The following TDRD12 variants were observed in gnomAD, a reference collection of about 807,000 sequenced individuals.
TDRD12 encodes putative ATP-dependent RNA helicase TDRD12.
In TDRD12, 158 loss-of-function variants were observed where a neutral mutation model predicts 133.5. The ratio of observed to expected loss-of-function variants is 1.18; its 90% CI spans 1.04 to 1.35. The LOEUF is 1.35. TDRD12 is among the 40% of genes most tolerant of loss of function. The probability of loss-of-function intolerance (pLI) is 0.00; values close to 1 mark genes in which losing one functional copy is unlikely to be tolerated. For synonymous variants in TDRD12, 460 were observed against 477.9 expected (o/e 0.96, Z 0.49); for missense variants, 1,443 against 1,321.3 (o/e 1.09, Z -1.43).
At position 32,742,013 on chromosome 19, in the gene TDRD12, A is replaced by G. The variant is rs190582770; in HGVS notation, c.321-768A>G. On this transcript the variant is annotated intron_variant, in intron 3 of 27. Transcript: ENST00000444215. ...TGTGCAAAGTTGGCAAATACTAATT[A>G]TTAAACCATCTGTTCATTTACAGAA... 2.6e-5 allele frequency among the ~76,000 whole-genome samples: 4 copies of G among 152,378 alleles called. No homozygotes were observed. The East Asian group carries it at 5.8e-4, about 22-fold the overall frequency.
intron 11 of TDRD12, among the ~76,000 whole-genome samples, chr19:32,779,995 C>T (rs770808663): frequency 3.3e-5 from 5 of 151,878 alleles, no homozygotes; most frequent in Non-Finnish European, 7.4e-5. Context: ...TGTTGTCTTC[C>T]TTTAAACATT....
intron 21 of TDRD12, among the ~76,000 whole-genome samples, chr19:32,806,107 G>A (rs143974701): frequency 4.6e-5 from 7 of 152,192 alleles, no homozygotes; most frequent in Non-Finnish European, 8.8e-5. Context: ...TGCATTGATT[G>A]TGTTGATCAG....
exon 28 of TDRD12, chr19:32,821,162 A>G (rs1197994675): frequency 6.6e-7 from 1 of 1,517,730 alleles, no homozygotes; most frequent in African/African-American, 1.4e-5. Context: ...TATTCAAAAG[A>G]TGGTTAAGTT....
At chr19:32,776,423 C>T (rs1049648706) in intron 10 of TDRD12, among the ~76,000 whole-genome samples, 5 of 152,044 alleles carry the variant, frequency 3.3e-5, no homozygotes, top group South Asian at 2.1e-4. Flanking sequence ...CCTTGGGGCC[C>T]GGTGAGGAAA....
rs1468353613 is a variant in TDRD12 at position 32,800,161 on chromosome 19, T to G, written c.1759-6T>G. 7.1e-7 allele frequency: 1 copy of G among 1,413,398 alleles called. No homozygotes were observed. Among genetic ancestry groups the G allele is most frequent in the Non-Finnish European group, 9.5e-7 (1 of 1,055,016 alleles). 87.6% of individuals were successfully genotyped at this position (1,413,398 alleles called of 1,614,324 possible). On this transcript the variant is annotated splice_region_variant and splice_polypyrimidine_tract_variant and intron_variant, in intron 16 of 27. Transcript: ENST00000444215. ...AAAAATGAAATTAATTATGCTAATTTTTCAGATGTTTGCTATATTAGATAA... is the reference window on the plus strand; with the variant it reads ...AAAAATGAAATTAATTATGCTAATTGTTCAGATGTTTGCTATATTAGATAA...
intron 1 of TDRD12, among the ~76,000 whole-genome samples, chr19:32,724,597 A>C (rs1026302234): frequency 6.6e-6 from 1 of 152,122 alleles, no homozygotes; most frequent in Admixed American, 6.5e-5. Flanking sequence ...GTGTATATGT[A>C]CCAAATTTTC....
chr19:32,762,870 C>T (rs991579315), intron 8 of TDRD12, among the ~76,000 whole-genome samples: 2 of 152,204 alleles, frequency 1.3e-5, no homozygotes, highest in Non-Finnish European at 2.9e-5. Context: ...ACCCAACCTA[C>T]ATGGTGCAGC....
chr19:32,745,789 TCTG>T (rs1190800821), intron 4 of TDRD12, among the ~76,000 whole-genome samples: 1 of 121,714 alleles, frequency 8.2e-6, no homozygotes, highest in Non-Finnish European at 1.7e-5. Flanking sequence ...CTGATGTCAT[TCTG>T]TGTGTGTGTG....
At chr19:32,740,029 C>T in intron 3 of TDRD12, among the ~76,000 whole-genome samples, 1 of 103,998 alleles carries the variant, frequency 9.6e-6, no homozygotes, top group Non-Finnish European at 2.0e-5. Context: ...CTCTCTGCAT[C>T]TCCTGGGCAC....
At chr19:32,797,820 C>T (rs1402255395) in exon 15 of TDRD12, 4 of 702,584 alleles carry the variant, frequency 5.7e-6, no homozygotes, top group Non-Finnish European at 1.0e-5. Context: ...TCCTCCAGGC[C>T]TCTTCATCCT....
At chr19:32,826,311 G>A (rs1419895445) in exon 8 of TDRD12, 1 of 1,416,784 alleles carries the variant, frequency 7.1e-7, no homozygotes. Flanking sequence ...AATAAGGAAT[G>A]TAAAGGACTA....
chr19:32,801,001 C>A (rs1971371790), intron 18 of TDRD12, among the ~76,000 whole-genome samples: 1 of 151,186 alleles, frequency 6.6e-6, no homozygotes, highest in Non-Finnish European at 1.5e-5. Flanking sequence ...AGCAGCGTTC[C>A]CCAGGGCAGG....
chr19:32,752,364 G>T (rs1969856398), intron 6 of TDRD12, among the ~76,000 whole-genome samples: 2 of 151,962 alleles, frequency 1.3e-5, no homozygotes, highest in African/African-American at 4.8e-5. Context: ...ATTTTTAGTA[G>T]AGATGGGGTT....
intron 13 of TDRD12, among the ~76,000 whole-genome samples, chr19:32,792,272 T>C (rs1435193149): frequency 6.6e-6 from 1 of 151,350 alleles, no homozygotes; most frequent in Admixed American, 6.6e-5. Context: ...AAACAAACTC[T>C]CAAGGAAACA....
intron 21 of TDRD12, among the ~76,000 whole-genome samples, chr19:32,805,991 C>T (rs898795617): frequency 2.0e-5 from 3 of 152,060 alleles, no homozygotes; most frequent in African/African-American, 7.2e-5. Context: ...CTCAGCCTCC[C>T]AAAGTGCTGG....
intron 1 of TDRD12, among the ~76,000 whole-genome samples, chr19:32,726,545 G>A (rs970415375): frequency 6.6e-6 from 1 of 152,124 alleles, no homozygotes. Flanking sequence ...ATTTCACTCA[G>A]TATAATGTCC....
intron 1 of TDRD12, among the ~76,000 whole-genome samples, chr19:32,722,911 C>G (rs1968732913): frequency 6.6e-6 from 1 of 152,070 alleles, no homozygotes; most frequent in African/African-American, 2.4e-5. Context: ...AACTCCTGAC[C>G]TCAAGTGATC....
At chr19:32,728,000 G>A (rs1171943863) in intron 1 of TDRD12, among the ~76,000 whole-genome samples, 2 of 152,160 alleles carry the variant, frequency 1.3e-5, no homozygotes, top group Admixed American at 1.3e-4. Flanking sequence ...TGAATATCCA[G>A]TTTTCCCAGT....
intron 1 of TDRD12, among the ~76,000 whole-genome samples, chr19:32,726,518 C>G (rs1170047595): frequency 2.0e-5 from 3 of 152,130 alleles, no homozygotes; most frequent in Admixed American, 2.0e-4. Context: ...TACAGTTTAT[C>G]CTTTTGTGAC....
Sources: allele counts gnomAD v4.1 joint callset (sites outside exome capture counted in the v4.1 genomes callset), GRCh38; gene constraint gnomAD v4.1.1; transcripts MANE v1.5; gene names NCBI Gene and HGNC (gene_info 2026-07-23, HGNC 2026-07-21).